Variants in PUDP observed in about 807,000 individuals in gnomAD.
The protein encoded by PUDP is pseudouridine-5'-phosphatase.
PUDP carries 8 observed loss-of-function variants against 9.4 expected under a neutral mutation model. The ratio of observed to expected loss-of-function variants is 0.85; its 90% CI spans 0.50 to 1.53. The LOEUF is 1.53. PUDP is among the 40% of genes most tolerant of loss of function. The pLI is 0.00. For missense variants in PUDP, 188 were observed against 189.7 expected, an observed-to-expected ratio of 0.99 and a Z score of 0.05; for synonymous variants, 99 against 80.7, an observed-to-expected ratio of 1.23 and a Z score of -1.22.
intron 3 of PUDP, among the ~76,000 whole-genome samples, chrX:6,838,644 T>C (rs1339052260): frequency 8.9e-6 from 1 of 112,087 alleles, no homozygotes; most frequent in Non-Finnish European, 1.9e-5. Context: ...TATCACAAAA[T>C]TGATACAGGA....
At chrX:7,047,333 G>A (rs1215879047), downstream of PUDP, among the ~76,000 whole-genome samples, 1 of 112,430 alleles carries the variant, frequency 8.9e-6, no homozygotes, top group Non-Finnish European at 1.9e-5. Flanking sequence ...TGACTGTCAT[G>A]TAAGTAAACA....
intron 3 of PUDP, among the ~76,000 whole-genome samples, chrX:6,916,191 TACACACACACACACACACACACACAC>T (rs747162229): frequency 1.1e-4 from 8 of 69,861 alleles, no homozygotes; most frequent in Non-Finnish European, 2.1e-4. Flanking sequence ...ATGCTTTTTC[TACACACACACACACACACACACACAC>T]ACACACACAC....
chrX:7,018,543 T>C (rs1295167451), intron 1 of PUDP, among the ~76,000 whole-genome samples: 1 of 112,086 alleles, frequency 8.9e-6, no homozygotes. Context: ...AAAACGAAAA[T>C]TCATTGTTTA....
At chrX:6,993,061 C>T (rs1387320073) in intron 1 of PUDP, among the ~76,000 whole-genome samples, 2 of 112,052 alleles carry the variant, frequency 1.8e-5, no homozygotes, top group Non-Finnish European at 3.8e-5. Context: ...GAAGGCTGCA[C>T]TATCACCAGC....
chrX:6,794,024 G>C (rs1362389962), intron 3 of PUDP, among the ~76,000 whole-genome samples: 2 of 111,667 alleles, frequency 1.8e-5, no homozygotes, highest in Non-Finnish European at 3.8e-5. Context: ...AAAGACTATG[G>C]AATACTGGAG....
chrX:6,814,309 T>G (rs970255121), intron 3 of PUDP, among the ~76,000 whole-genome samples: 1 of 111,030 alleles, frequency 9.0e-6, no homozygotes, highest in Non-Finnish European at 1.9e-5. Flanking sequence ...CATCTTTTCA[T>G]GCAAGACTCA....
Position 7,094,089 on chromosome X carries a change from C to T in PUDP, c.280+11531G>A, listed in dbSNP as rs143682988. 6.7e-4 allele frequency among the ~76,000 whole-genome samples: 75 copies of T among 111,326 alleles called. 1 individual carries two copies. In the East Asian group the frequency reaches 0.02, roughly 29 times the overall value. On this transcript the variant is annotated intron_variant, in intron 2 of 3. Coordinates refer to ENST00000381077, the MANE Select transcript of PUDP (RefSeq NM_012080.5). ...GCTGCAGTGAGCCATGACTGCACCACTACACTCCAGCCTTGGCAATAGAGT... is the reference window on the plus strand; with the variant it reads ...GCTGCAGTGAGCCATGACTGCACCATTACACTCCAGCCTTGGCAATAGAGT...
At chrX:6,825,661 T>C (rs1926413179) in intron 3 of PUDP, among the ~76,000 whole-genome samples, 4 of 110,246 alleles carry the variant, frequency 3.6e-5, no homozygotes, top group African/African-American at 1.3e-4. Flanking sequence ...TCTAGCAGCA[T>C]TCAAACAAGA....
chrX:7,082,805 G>C (rs1569155212), intron 2 of PUDP, among the ~76,000 whole-genome samples: 1 of 112,644 alleles, frequency 8.9e-6, no homozygotes, highest in East Asian at 2.8e-4. Context: ...CTTTCTTAGG[G>C]GCTACTTTTG....
intron 3 of PUDP, among the ~76,000 whole-genome samples, chrX:6,950,337 CAA>C (rs779591166): frequency 2.0e-4 from 8 of 40,997 alleles, no homozygotes; most frequent in Non-Finnish European, 2.5e-4. Flanking sequence ...AGCTCTGTCT[CAA>C]AAAAAAAAAA....
rs137892869 is a variant in PUDP at position 7,049,594 on chromosome X, T to A, written c.*702A>T. 1.8e-3 allele frequency: 203 copies of A among 111,991 alleles called. No individual in the cohort carries two copies. Among genetic ancestry groups the A allele is most frequent in the Middle Eastern group, 0.014 (3 of 218 alleles). The allele number at this position is 111,991 out of a possible 1,213,427, so 9.2% of individuals were successfully genotyped here. On this transcript the variant is annotated 3_prime_UTR_variant, in exon 4 of 4. Transcript: ENST00000381077. Reference sequence around the variant, plus strand: ...GTCAATGAGGAAAGATCCAGAGACATTCTGAGGTCACAAAAAGAATTTAAA... The same window carrying A: ...GTCAATGAGGAAAGATCCAGAGACAATCTGAGGTCACAAAAAGAATTTAAA...
At chrX:6,813,258 G>C (rs1157341348) in intron 3 of PUDP, among the ~76,000 whole-genome samples, 1 of 111,170 alleles carries the variant, frequency 9.0e-6, no homozygotes, top group Non-Finnish European at 1.9e-5. Flanking sequence ...TCTGCTGAGA[G>C]GCTTAAACAT....
chrX:6,766,372 A>T (rs1489056690), intron 3 of PUDP, among the ~76,000 whole-genome samples: 1 of 112,029 alleles, frequency 8.9e-6, no homozygotes, highest in Non-Finnish European at 1.9e-5. Flanking sequence ...ACCATATTTG[A>T]GGGTTGAACC....
chrX:6,851,965 T>C (rs1569110979), intron 3 of PUDP, among the ~76,000 whole-genome samples: 2 of 112,496 alleles, frequency 1.8e-5, no homozygotes, highest in African/African-American at 6.5e-5. Flanking sequence ...CCAAGGGTGT[T>C]TCTGAAGAAT....
At chrX:7,094,528 T>C (rs1480954855) in intron 2 of PUDP, among the ~76,000 whole-genome samples, 1 of 110,381 alleles carries the variant, frequency 9.1e-6, no homozygotes, top group Non-Finnish European at 1.9e-5. Context: ...GGCTAATTTT[T>C]TGTATTTTTA....
rs766455655 is a variant in PUDP at position 6,926,570 on chromosome X, G to A, written c.*247+50563C>T. Among the ~76,000 whole-genome samples the A allele has an allele frequency of 8.9e-5, 10 of 111,954 alleles. No individual in the cohort carries two copies. The South Asian group carries it at 3.7e-3, about 41-fold the overall frequency. On this transcript the variant is annotated intron_variant and NMD_transcript_variant, in intron 3 of 3. Coordinates refer to the PUDP transcript ENST00000655425. The stretch of plus-strand genomic sequence containing the variant: ...AATGAGGCAGCTCCGCACTAATTCA[G>A]TTTAATTAATGCCATCCTGTTCTTT...
chrX:7,101,335 AAG>A (rs1313574957), intron 2 of PUDP, among the ~76,000 whole-genome samples: 2 of 112,314 alleles, frequency 1.8e-5, no homozygotes, highest in Non-Finnish European at 3.8e-5. Context: ...AAAGAAAGAA[AAG>A]AGAGCCATCT....
intron 3 of PUDP, among the ~76,000 whole-genome samples, chrX:6,837,902 A>AT (rs1357256423): frequency 9.0e-6 from 1 of 111,300 alleles, no homozygotes; most frequent in Non-Finnish European, 1.9e-5. Context: ...AAAAAAAAAA[A>AT]AATAAGTAAA....
At position 7,077,308 on chromosome X, in the gene PUDP, T is replaced by C. The variant is rs761444150; in HGVS notation, c.422A>G (p.Asp141Gly). Reference protein sequence around the residue: ...FSLFSHIVLGDDPEVQHGKPD... With the variant: ...FSLFSHIVLGGDPEVQHGKPD... ...CTTGCCATGCTGCACTTCGGGGTCA[T>C]CTCCCAGCACAATGTGGGAAAACAA... Residue 141 changes from aspartate (D) to glycine (G), a missense_variant, in exon 3 of 4, where the codon GAT becomes GGT. Coordinates refer to ENST00000381077, the MANE Select transcript of PUDP (RefSeq NM_012080.5). The C allele has an allele frequency of 8.3e-7, 1 of 1,210,405 alleles. No individual in the cohort carries two copies. The highest frequency in any genetic ancestry group is 3.0e-5 in the East Asian group (1 of 33,782).
Sources: allele counts gnomAD v4.1 joint callset (sites outside exome capture counted in the v4.1 genomes callset), GRCh38; gene constraint gnomAD v4.1.1; transcripts MANE v1.5; gene names NCBI Gene and HGNC (gene_info 2026-07-23, HGNC 2026-07-21).